The following DNAH9 variants were observed in gnomAD, a reference collection of about 807,000 sequenced individuals.
DNAH9 encodes the protein dynein axonemal heavy chain 9.
DNAH9 carries 345 observed loss-of-function variants against 471.6 expected under a neutral mutation model. The ratio of observed to expected loss-of-function variants is 0.73; its 90% confidence interval spans 0.67 to 0.80. The LOEUF (loss-of-function observed/expected upper bound fraction) is 0.80, where lower values mean the gene tolerates loss of function less well. Among genes scored for constraint, DNAH9 ranks in the 30% least tolerant of loss-of-function variants. DNAH9 has a pLI of 0.00. For synonymous variants in DNAH9, 2,093 were observed against 2,123.6 expected, an observed-to-expected ratio of 0.99 and a Z score of 0.40; for missense variants, 5,407 against 5,609.2, an observed-to-expected ratio of 0.96 and a Z score of 1.15.
At chr17:11,834,351 AAG>A (rs1439035470) in intron 48 of DNAH9, among the ~76,000 whole-genome samples, 256 of 132,690 alleles carry the variant, frequency 1.9e-3, no homozygotes, top group African/African-American at 6.8e-3. Context: ...AAAAAAAAAG[AAG>A]AAGAAGAAAT....
intron 45 of DNAH9, among the ~76,000 whole-genome samples, chr17:11,819,557 A>C (rs1970237208): frequency 7.2e-6 from 1 of 138,356 alleles, no homozygotes; most frequent in Non-Finnish European, 1.5e-5. Context: ...AGCTGAGACT[A>C]CAGGTGCACA....
At position 11,892,436 on chromosome 17, in the gene DNAH9, C is replaced by T. The variant is rs571365798; in HGVS notation, c.11283+489C>T. On this transcript the variant is annotated intron_variant, in intron 58 of 68. Coordinates refer to ENST00000262442, the MANE Select transcript of DNAH9 (RefSeq NM_001372.4). The surrounding 1 kb of genome is among the most constrained non-coding windows in gnomAD (Gnocchi z 4.3). ...AGCAGCCTTGACCTTAGAAAGTTTTCAATAACGTTGGTTCTCAAGGGTTTG... is the reference window on the plus strand; with the variant it reads ...AGCAGCCTTGACCTTAGAAAGTTTTTAATAACGTTGGTTCTCAAGGGTTTG... 2.0e-5 allele frequency among the ~76,000 whole-genome samples: 3 copies of T among 152,302 alleles called. No individual in the cohort carries two copies. In the East Asian group the frequency reaches 5.8e-4, roughly 29 times the overall value.
At chr17:11,762,796 T>TTTTTTTTTTTTTTC (rs1555584732) in intron 35 of DNAH9, among the ~76,000 whole-genome samples, 1 of 144,596 alleles carries the variant, frequency 6.9e-6, no homozygotes, top group Non-Finnish European at 1.5e-5. Flanking sequence ...TTTTTTTTTT[T>TTTTTTTTTTTTTTC]TGAGATGGAG....
intron 50 of DNAH9, among the ~76,000 whole-genome samples, chr17:11,857,276 A>C (rs1971659559): frequency 6.6e-6 from 1 of 152,220 alleles, no homozygotes; most frequent in South Asian, 2.1e-4. Context: ...TACCTTTGGA[A>C]GGCACTTCTT....
chr17:11,930,593 C>G (rs1300052585), intron 63 of DNAH9, among the ~76,000 whole-genome samples: 1 of 151,946 alleles, frequency 6.6e-6, no homozygotes, highest in African/African-American at 2.4e-5. Flanking sequence ...GCCCCTGGAC[C>G]AGCAGCATCA....
intron 57 of DNAH9, among the ~76,000 whole-genome samples, chr17:11,888,899 G>A (rs1012822712): frequency 7.2e-5 from 11 of 152,170 alleles, no homozygotes; most frequent in Non-Finnish European, 1.6e-4. Context: ...CAACGTGGCA[G>A]GAACCATTCA....
rs571096608 is a variant in DNAH9 at position 11,765,132 on chromosome 17, C to T, written c.7170+1518C>T. On this transcript the variant is annotated intron_variant, in intron 36 of 68. Transcript: ENST00000262442. ...GGGTACCCAGCTCCTAGGAGGGTGGCGAGGACTAAGTGAATGCATAATGTT... is the reference window on the plus strand; with the variant it reads ...GGGTACCCAGCTCCTAGGAGGGTGGTGAGGACTAAGTGAATGCATAATGTT... Among the ~76,000 whole-genome samples the T allele has an allele frequency of 3.3e-5, 5 of 152,234 alleles. No homozygotes were observed. In the East Asian group the frequency reaches 5.8e-4, roughly 18 times the overall value.
chr17:11,800,465 C>T (rs1039086787), intron 43 of DNAH9, among the ~76,000 whole-genome samples: 6 of 152,202 alleles, frequency 3.9e-5, no homozygotes, highest in Middle Eastern at 3.4e-3. Context: ...TACAAACATG[C>T]TATGTTATCA....
At position 11,752,854 on chromosome 17, in the gene DNAH9, G is replaced by A. The variant is rs772195677; in HGVS notation, c.6632G>A (p.Arg2211Gln). The change falls in exon 33 of 69, where the codon CGG becomes CAG. Residue 2211 changes from arginine (R) to glutamine (Q), a missense_variant. Physicochemically the swap from Arg to Gln is conservative, Grantham distance 43. Around this residue, in one of 3 missense-constraint regions of DNAH9, gnomAD observed 4,636 missense variants for 4,900.3 expected, o/e 0.95. Coordinates refer to ENST00000262442, the MANE Select transcript of DNAH9 (RefSeq NM_001372.4). ...TTAGGATTGTTCTCTTCCATCATGC[G>A]GGAGCTTGCCAACATCACCCATGAT... is the stretch of plus-strand genomic sequence containing the variant. Reference protein sequence around the residue: ...WKDGLFSSIMRELANITHDGP... With the variant: ...WKDGLFSSIMQELANITHDGP... 7 of 1,602,022 alleles carry A rather than the reference G, an allele frequency of 4.4e-6. No individual in the cohort carries two copies. Among genetic ancestry groups the A allele is most frequent in the Non-Finnish European group, 3.4e-6 (4 of 1,175,142 alleles).
intron 30 of DNAH9, among the ~76,000 whole-genome samples, chr17:11,742,761 G>A (rs949001517): frequency 6.6e-6 from 1 of 152,156 alleles, no homozygotes; most frequent in Non-Finnish European, 1.5e-5. Flanking sequence ...TTGCACCTTA[G>A]CAAAACATTA....
chr17:11,739,442 C>A (rs1035086895), intron 29 of DNAH9, among the ~76,000 whole-genome samples: 1 of 152,188 alleles, frequency 6.6e-6, no homozygotes, highest in Non-Finnish European at 1.5e-5. Flanking sequence ...TTAAGACTTT[C>A]TAACATTTAA....
intron 28 of DNAH9, among the ~76,000 whole-genome samples, chr17:11,732,200 A>T (rs950825873): frequency 3.9e-5 from 6 of 152,194 alleles, no homozygotes; most frequent in African/African-American, 1.4e-4. Context: ...ATTCTCTAAG[A>T]TCACTTAGTT....
intron 1 of DNAH9, among the ~76,000 whole-genome samples, chr17:11,606,453 C>CTTTTTT (rs57831450): frequency 1.0e-5 from 1 of 99,056 alleles, no homozygotes; most frequent in African/African-American, 4.1e-5. Flanking sequence ...CTTTTCTTTT[C>CTTTTTT]TTTTTTTTTT....
At chr17:11,867,812 A>G (rs187739257) in intron 50 of DNAH9, among the ~76,000 whole-genome samples, 4 of 152,284 alleles carry the variant, frequency 2.6e-5, no homozygotes, top group Admixed American at 1.3e-4. Flanking sequence ...CTCTGCCTCT[A>G]TTGACTTTCT....
rs191215661 is a variant in DNAH9 at position 11,766,234 on chromosome 17, T to C, written c.7171-2219T>C. The stretch of plus-strand genomic sequence containing the variant: ...ATCAGGAACAGCAATGGTGCTTACA[T>C]TGAAAAAAACTGTCATAAAAGCAAA... On this transcript the variant is annotated intron_variant, in intron 36 of 68. Coordinates refer to ENST00000262442, the MANE Select transcript of DNAH9 (RefSeq NM_001372.4). Among the ~76,000 whole-genome samples the C allele has an allele frequency of 7.9e-5, 12 of 151,702 alleles. No individual in the cohort carries two copies. In the East Asian group the frequency reaches 2.1e-3, roughly 27 times the overall value.
chr17:11,719,569 C>A (rs1168949503), intron 27 of DNAH9, 79 bp downstream of exon 27: 3 of 1,361,838 alleles, frequency 2.2e-6, no homozygotes, highest in East Asian at 2.3e-5. Flanking sequence ...AAGACGCATC[C>A]GTGCCACCCT....
At chr17:11,924,596 T>G (rs1974253953) in intron 62 of DNAH9, among the ~76,000 whole-genome samples, 1 of 151,826 alleles carries the variant, frequency 6.6e-6, no homozygotes, top group Non-Finnish European at 1.5e-5. Flanking sequence ...CAATTTTCGT[T>G]TCAACAATTA....
intron 45 of DNAH9, among the ~76,000 whole-genome samples, chr17:11,811,009 T>C (rs1663775555): frequency 6.6e-6 from 1 of 152,180 alleles, no homozygotes. Flanking sequence ...ATTTAGGAAT[T>C]CAGTACGTAT....
At chr17:11,944,125 G>A (rs1206553930) in intron 67 of DNAH9, among the ~76,000 whole-genome samples, 2 of 152,190 alleles carry the variant, frequency 1.3e-5, no homozygotes, top group African/African-American at 4.8e-5. Context: ...CAGGGTGTGA[G>A]AGGTAGTTGT....
Sources: allele counts gnomAD v4.1 joint callset (sites outside exome capture counted in the v4.1 genomes callset), GRCh38; gene constraint gnomAD v4.1.1; regional missense constraint gnomAD v4.1.1; non-coding constraint Gnocchi (gnomAD v3.1); transcripts MANE v1.5; gene names NCBI Gene and HGNC (gene_info 2026-07-23, HGNC 2026-07-21).